CNTN4: variants seen among roughly 807,000 people sequenced by gnomAD.
CNTN4 encodes the protein contactin 4.
Under a neutral mutation model 122.5 loss-of-function variants are expected in CNTN4, and 77 were observed. The observed-to-expected ratio is 0.63, with a 90% CI of 0.52 to 0.76. The LOEUF (loss-of-function observed/expected upper bound fraction) is 0.76, where lower values mean the gene tolerates loss of function less well. Ranked by LOEUF, CNTN4 falls within the 30% of genes least tolerant of loss-of-function variation. The pLI is 0.00. For synonymous variants in CNTN4, 512 were observed against 447.0 expected (o/e 1.15, Z -1.83); for missense variants, 1,256 against 1,259.1 (o/e 1.00, Z 0.04).
intron 13 of CNTN4, among the ~76,000 whole-genome samples, chr3:2,932,827 TA>T (rs1250744605): frequency 6.9e-6 from 1 of 144,592 alleles, no homozygotes; most frequent in South Asian, 2.3e-4. Flanking sequence ...TTTATTTATT[TA>T]TTTATTTATT....
At chr3:2,304,990 G>A (rs1559435427) in intron 2 of CNTN4, among the ~76,000 whole-genome samples, 2 of 151,706 alleles carry the variant, frequency 1.3e-5, no homozygotes, top group East Asian at 3.9e-4. Context: ...AAAATGATTA[G>A]AATAATAATA....
intron 13 of CNTN4, among the ~76,000 whole-genome samples, chr3:2,986,432 T>C (rs1467617220): frequency 6.6e-6 from 1 of 152,208 alleles, no homozygotes; most frequent in Non-Finnish European, 1.5e-5. Context: ...GAATGTGAAC[T>C]CCCATCCCTC....
At position 2,902,887 on chromosome 3, in the gene CNTN4, A is replaced by G. The variant is rs775099178; in HGVS notation, c.1089A>G (p.Gln363=). 3 of 1,613,332 alleles carry G rather than the reference A, an allele frequency of 1.9e-6. No individual in the cohort carries two copies. In the East Asian group the frequency reaches 6.7e-5, roughly 36 times the overall value. ...GEPLLTRDRI[Q]IEQGTLNITI... is the part of the protein sequence containing the mutation. Reference sequence around the variant, plus strand: ...CTTTTCTTTCACAGGATAGAATTCAAATTGAGCAAGGAACACTCAACATAA... The same window carrying G: ...CTTTTCTTTCACAGGATAGAATTCAGATTGAGCAAGGAACACTCAACATAA... The change falls in exon 12 of 25, where the codon CAA becomes CAG. Residue 363 remains glutamine, a synonymous_variant. Transcript: ENST00000418658.
At chr3:2,923,898 A>T (rs1318925230) in intron 12 of CNTN4, among the ~76,000 whole-genome samples, 1 of 152,134 alleles carries the variant, frequency 6.6e-6, no homozygotes, top group Non-Finnish European at 1.5e-5. Context: ...TACAATTTTT[A>T]TTGCATGATT....
At chr3:2,839,342 A>C (rs1198828976) in intron 7 of CNTN4, among the ~76,000 whole-genome samples, 2 of 152,068 alleles carry the variant, frequency 1.3e-5, no homozygotes, top group Non-Finnish European at 2.9e-5. Flanking sequence ...TTAGATGCAG[A>C]TAAAAAGCGG....
intron 20 of CNTN4, among the ~76,000 whole-genome samples, chr3:3,041,870 G>A (rs1050441682): frequency 3.0e-4 from 46 of 152,178 alleles, no homozygotes; most frequent in Admixed American, 2.5e-3. Context: ...TGAGGCGGGA[G>A]GATGGCTTGA....
At chr3:2,156,145 C>A (rs565472458) in intron 2 of CNTN4, among the ~76,000 whole-genome samples, 1 of 152,110 alleles carries the variant, frequency 6.6e-6, no homozygotes, top group African/African-American at 2.4e-5. Flanking sequence ...TGCTTGGTAT[C>A]TTTGAGGGAA....
intron 4 of CNTN4, among the ~76,000 whole-genome samples, chr3:2,666,111 G>C (rs940344906): frequency 4.6e-5 from 7 of 152,186 alleles, no homozygotes; most frequent in African/African-American, 1.7e-4. Flanking sequence ...ACCCAAGCTA[G>C]CAATAGAACA....
chr3:2,316,920 G>A (rs2043120858), intron 2 of CNTN4, among the ~76,000 whole-genome samples: 1 of 152,050 alleles, frequency 6.6e-6, no homozygotes, highest in African/African-American at 2.4e-5. Flanking sequence ...CACCAATTAA[G>A]TTGACAGTGA....
chr3:2,882,740 A>G (rs2093927053), intron 8 of CNTN4: 2 of 205,382 alleles, frequency 9.7e-6, no homozygotes, highest in Non-Finnish European at 2.0e-5. Flanking sequence ...AGACATAATT[A>G]AGCATGCAGG....
intron 3 of CNTN4, among the ~76,000 whole-genome samples, chr3:2,499,535 C>A (rs2076540801): frequency 6.6e-6 from 1 of 151,832 alleles, no homozygotes; most frequent in African/African-American, 2.4e-5. Flanking sequence ...TTTTTTAAAA[C>A]TTGGGTGGAT....
rs554836083 is a variant in CNTN4, at chr3:2,746,362, A to C, written c.358+665A>C. On this transcript the variant is annotated intron_variant, in intron 6 of 24. Transcript: ENST00000418658. The stretch of plus-strand genomic sequence containing the variant: ...CAGCTTAAAATGTTTAAAAAAACAA[A>C]TAACCGTGTCTTAAGACCACCATTT... 2.0e-5 allele frequency among the ~76,000 whole-genome samples: 3 copies of C among 152,320 alleles called. No individual in the cohort carries two copies. The South Asian group carries it at 6.2e-4, about 32-fold the overall frequency.
chr3:2,772,181 C>T, intron 6 of CNTN4, among the ~76,000 whole-genome samples: 1 of 151,978 alleles, frequency 6.6e-6, no homozygotes, highest in Non-Finnish European at 1.5e-5. Context: ...ACCAGGTTTG[C>T]ATTTTAGAAC....
intron 2 of CNTN4, among the ~76,000 whole-genome samples, chr3:2,319,513 C>G (rs963792282): frequency 2.6e-5 from 4 of 152,154 alleles, no homozygotes; most frequent in African/African-American, 4.8e-5. Context: ...AATCCCTCCT[C>G]TTCCTCATCC....
At chr3:2,984,933 G>A (rs947137972) in intron 13 of CNTN4, among the ~76,000 whole-genome samples, 15 of 152,148 alleles carry the variant, frequency 9.9e-5, no homozygotes, top group African/African-American at 3.1e-4. Flanking sequence ...CTCCTTTAAA[G>A]CTATTTTTGT....
chr3:2,836,733 A>G (rs1014664219), intron 7 of CNTN4, among the ~76,000 whole-genome samples: 9 of 151,176 alleles, frequency 6.0e-5, no homozygotes, highest in Non-Finnish European at 1.0e-4. Context: ...AAATTAAAAA[A>G]TAAAAACATA....
At chr3:2,989,349 C>T (rs1694855128) in intron 14 of CNTN4, among the ~76,000 whole-genome samples, 2 of 152,026 alleles carry the variant, frequency 1.3e-5, no homozygotes, top group South Asian at 4.2e-4. Context: ...CTTTATGCTG[C>T]ACCAGGAAAC....
chr3:2,718,711 T>A (rs1035188526), intron 4 of CNTN4, among the ~76,000 whole-genome samples: 1 of 152,202 alleles, frequency 6.6e-6, no homozygotes. Flanking sequence ...TTTCTTTCAT[T>A]TTCACATTTA....
intron 3 of CNTN4, among the ~76,000 whole-genome samples, chr3:2,547,462 C>T (rs779451489): frequency 2.6e-5 from 4 of 152,106 alleles, no homozygotes; most frequent in East Asian, 1.9e-4. Flanking sequence ...GATGGGGTTT[C>T]GCCATGTTGG....
Sources: gnomAD v4.1 joint callset for allele counts (sites outside exome capture counted in the v4.1 genomes callset) on GRCh38, gnomAD v4.1.1 for gene constraint, MANE v1.5 for transcripts, NCBI Gene and HGNC (gene_info 2026-07-23, HGNC 2026-07-21) for gene names.